The following ZNF606 variants were observed in gnomAD, a reference collection of about 807,000 sequenced individuals.
ZNF606 encodes the protein zinc finger protein 606.
A neutral mutation model predicts 74.9 loss-of-function variants in ZNF606; 37 were observed. The ratio of observed to expected loss-of-function variants is 0.49; its 90% CI spans 0.38 to 0.65. The LOEUF is 0.65. Among genes scored for constraint, ZNF606 ranks in the 30% least tolerant of loss-of-function variants. ZNF606 has a pLI of 0.00. For synonymous variants in ZNF606, 328 were observed against 312.4 expected, an observed-to-expected ratio of 1.05 and a Z score of -0.53; for missense variants, 852 against 952.9, an observed-to-expected ratio of 0.89 and a Z score of 1.39.
chr19:58,001,297 G>A lies in ZNF606; in HGVS notation c.23C>T (p.Ala8Val). 1.9e-6 allele frequency: 3 copies of A among 1,614,164 alleles called. No individual in the cohort carries two copies. The highest frequency in any genetic ancestry group is 2.5e-6 in the Non-Finnish European group (3 of 1,180,032). MAAINPWASWGALTDQSW... is the reference protein window; with the variant it reads MAAINPWVSWGALTDQSW... ...ACACAACTTGGACTCACCCCAGGAG[G>A]CCCACGGGTTGATGGCTGCCATCCC... is the stretch of plus-strand genomic sequence containing the variant. The change falls in exon 2 of 7, where the codon GCC (alanine) becomes GTC (valine). Residue 8 changes from alanine (A) to valine (V), a missense_variant. Physicochemically the swap from Ala to Val is moderately conservative, Grantham distance 64. Transcript: ENST00000551380.
chr19:58,003,143 T>A (rs909996720), upstream of ZNF606: 1 of 433,864 alleles, frequency 2.3e-6, no homozygotes, highest in East Asian at 7.1e-5. Context: ...TTCTCAGCGC[T>A]CTCGAGGGAT....
intron 4 of ZNF606, among the ~76,000 whole-genome samples, chr19:57,995,724 C>G (rs1245016559): frequency 1.3e-5 from 2 of 152,036 alleles, no homozygotes; most frequent in East Asian, 3.9e-4. Flanking sequence ...GAGGCTGAAG[C>G]ACAAGAATCC....
intron 4 of ZNF606, among the ~76,000 whole-genome samples, chr19:57,995,936 C>A (rs116250700): frequency 6.6e-6 from 1 of 152,154 alleles, no homozygotes; most frequent in African/African-American, 2.4e-5. Context: ...GGTGGAAAGA[C>A]AAAGAGTAAA....
intron 6 of ZNF606, among the ~76,000 whole-genome samples, chr19:57,985,509 G>A (rs184207455): frequency 6.6e-4 from 101 of 152,250 alleles, no homozygotes; most frequent in Non-Finnish European, 1.3e-3. Context: ...CACTGCCTGA[G>A]GTGATGGCAA....
chr19:57,991,780 A>AAAATAAATAAAT (rs80231379), intron 4 of ZNF606, among the ~76,000 whole-genome samples: 9,903 of 148,644 alleles, frequency 0.067, 434 homozygotes, highest in Middle Eastern at 0.096. Context: ...ACTCTGTCTC[A>AAAATAAATAAAT]AAATAAATAA....
intron 3 of ZNF606, 111 bp downstream of exon 3, chr19:58,000,572 C>G (rs2073407550): frequency 2.0e-5 from 23 of 1,170,450 alleles, no homozygotes; most frequent in Non-Finnish European, 2.9e-5. Context: ...AGATCTGGAC[C>G]ACCTGCCCTA....
At chr19:58,002,944 A>T (rs1466742663), upstream of ZNF606, 1 of 455,456 alleles carries the variant, frequency 2.2e-6, no homozygotes, top group African/African-American at 2.0e-5. Context: ...CGGGGTTGGG[A>T]CCTTTCTGGC....
intron 4 of ZNF606, 118 bp downstream of exon 4, chr19:57,999,690 C>A (rs756791568): frequency 1.1e-4 from 111 of 1,025,576 alleles, no homozygotes; most frequent in Non-Finnish European, 1.6e-4. Context: ...GGATTAACTT[C>A]CAGTTGCTTC....
In ZNF606 at chr19:57,979,686, A is replaced by G. The variant is rs758051179; in HGVS notation, c.994T>C (p.Phe332Leu). The G allele has an allele frequency of 5.0e-6, 8 of 1,613,756 alleles. No individual in the cohort carries two copies. Among genetic ancestry groups the G allele is most frequent in the Non-Finnish European group, 5.9e-6 (7 of 1,179,970 alleles). The change falls in exon 7 of 7, where the codon TTT becomes CTT. Residue 332 changes from phenylalanine to leucine, a missense_variant. Phe to Leu is a conservative substitution (Grantham distance 22, BLOSUM62 0). Transcript: ENST00000551380. ...ACATGAAGCCTTGGGTGTTCATTAA[A>G]TGATGGGCTCTGGTTAAAGATTTGA... ...CHQIFNQSPSFNEHPRLHVGE... is the reference protein window; with the variant it reads ...CHQIFNQSPSLNEHPRLHVGE...
Position 58,002,625 on chromosome 19 carries a change from G to C in ZNF606, c.-281C>G, listed in dbSNP as rs1012940464. 2.2e-6 allele frequency: 1 copy of C among 452,068 alleles called. No homozygotes were observed. Among genetic ancestry groups the C allele is most frequent in the East Asian group, 7.0e-5 (1 of 14,212 alleles). The allele number at this position is 452,068 out of a possible 1,614,324, so 28.0% of individuals were successfully genotyped here. On this transcript the variant is annotated 5_prime_UTR_variant, in exon 1 of 7. Coordinates refer to ENST00000551380, the MANE Select transcript of ZNF606 (RefSeq NM_001348022.3). ...CCCGGAGGCGGGAGGCCGGAGGCAG[G>C]CTGCTGGCTGGAGAACCGACGGCAA...
chr19:57,988,879 G>C (rs1405465275), intron 4 of ZNF606, among the ~76,000 whole-genome samples, 158 bp from the exon 5 acceptor site: 1 of 152,148 alleles, frequency 6.6e-6, no homozygotes, highest in Non-Finnish European at 1.5e-5. Flanking sequence ...GTCTCATTGA[G>C]AACCACCCAA....
chr19:57,996,454 C>T (rs2073343386), intron 4 of ZNF606, among the ~76,000 whole-genome samples: 1 of 152,152 alleles, frequency 6.6e-6, no homozygotes, highest in Admixed American at 6.5e-5. Flanking sequence ...AAGCCAAGAT[C>T]GTCCCACTGC....
At position 57,980,074 on chromosome 19, in the gene ZNF606, C is replaced by A. The variant is rs1167508675; in HGVS notation, c.606G>T (p.Lys202Asn). The A allele has an allele frequency of 6.2e-7, 1 of 1,613,706 alleles. No homozygotes were observed. Among genetic ancestry groups the A allele is most frequent in the African/African-American group, 1.3e-5 (1 of 74,936 alleles). ...CAGAGCTTCTCTGGGATAGTACTTG[C>A]TTTTGCATGAAGACCATCTGCCTCA... Reference protein sequence around the residue: ...TAMRQMVFMQKQVLSQRSSEF... With the variant: ...TAMRQMVFMQNQVLSQRSSEF... The change falls in exon 7 of 7, where the codon AAG (lysine) becomes AAT (asparagine). Residue 202 changes from lysine to asparagine, a missense_variant. Physicochemically the swap from Lys to Asn is moderately conservative, Grantham distance 94. Coordinates refer to ENST00000551380, the MANE Select transcript of ZNF606 (RefSeq NM_001348022.3).
chr19:57,977,296 G>C lies in ZNF606; in HGVS notation c.*1005C>G, dbSNP rs950099765. ...AGCCATTTGTAAAACTGGGGTAACA[G>C]TACCTATCTCAGAGTAAAGGGGACT... is the stretch of plus-strand genomic sequence containing the variant. On this transcript the variant is annotated 3_prime_UTR_variant, in exon 7 of 7. Transcript: ENST00000551380. 6.6e-6 allele frequency: 1 copy of C among 152,176 alleles called. No homozygotes were observed. Among genetic ancestry groups the C allele is most frequent in the Non-Finnish European group, 1.5e-5 (1 of 68,034 alleles). The allele number at this position is 152,176 out of a possible 1,614,324, so 9.4% of individuals were successfully genotyped here. A position where few individuals can be genotyped will look rare whatever the true frequency, so the allele number is the denominator to read the frequency against.
intron 4 of ZNF606, among the ~76,000 whole-genome samples, chr19:57,989,344 T>TTA (rs976012297): frequency 6.6e-6 from 1 of 151,830 alleles, no homozygotes; most frequent in Non-Finnish European, 1.5e-5. Context: ...TTTTTTTTTT[T>TTA]AATGAAAGCA....
intron 6 of ZNF606, 116 bp downstream of exon 6, chr19:57,988,091 C>T: frequency 1.3e-6 from 1 of 750,186 alleles, no homozygotes; most frequent in Non-Finnish European, 2.1e-6. Context: ...GAAGAAAGCT[C>T]CTTAGAGGGA....
In ZNF606 at chr19:57,979,845, G is replaced by T. The variant is rs2073054214; in HGVS notation, c.835C>A (p.Pro279Thr). The T allele has an allele frequency of 6.8e-6, 11 of 1,613,472 alleles. No individual in the cohort carries two copies. The East Asian group carries it at 2.2e-4, about 33-fold the overall frequency. The change falls in exon 7 of 7, where the codon CCT becomes ACT. Residue 279 changes from proline (P) to threonine (T), a missense_variant. Around this residue, in one of 3 missense-constraint regions of ZNF606, gnomAD observed 545 missense variants for 542.5 expected, o/e 1.00. Transcript: ENST00000551380. ...TTATCTCCAGTTTGTATTCTTGCAG[G>T]GTAAATAGGTTGAATGGACTGATAA... Reference protein sequence around the residue: ...TVYQSIQPIYPARIQTGDNLF... With the variant: ...TVYQSIQPIYTARIQTGDNLF...
chr19:57,991,780 AAAAT>A (rs80231379), intron 4 of ZNF606, among the ~76,000 whole-genome samples: 12 of 148,594 alleles, frequency 8.1e-5, no homozygotes, highest in South Asian at 2.2e-4. Flanking sequence ...ACTCTGTCTC[AAAAT>A]AAATAAATAA....
intron 1 of ZNF606, 99 bp from the exon 2 acceptor site, chr19:58,001,469 T>C (rs2073427409): frequency 3.5e-6 from 3 of 857,920 alleles, no homozygotes; most frequent in East Asian, 2.7e-5. Flanking sequence ...ACAAAAAAAC[T>C]TGTAAGGAGC....
Sources: gnomAD v4.1 joint callset for allele counts (sites outside exome capture counted in the v4.1 genomes callset) on GRCh38, gnomAD v4.1.1 for gene constraint, gnomAD v4.1.1 regional missense constraint, MANE v1.5 for transcripts, NCBI Gene and HGNC (gene_info 2026-07-23, HGNC 2026-07-21) for gene names.